The following CETP variants were observed in gnomAD, a reference collection of about 807,000 sequenced individuals.
CETP encodes the protein cholesteryl ester transfer protein.
A neutral mutation model predicts 66.5 loss-of-function variants in CETP; 56 were observed. The observed-to-expected ratio is 0.84, with a 90% CI of 0.68 to 1.05. The LOEUF is 1.05. CETP is among the 50% of genes least tolerant of loss of function. The probability of loss-of-function intolerance (pLI) is 0.00; values close to 1 mark genes in which losing one functional copy is unlikely to be tolerated. For synonymous variants in CETP, 251 were observed against 245.7 expected, an observed-to-expected ratio of 1.02 and a Z score of -0.20; for missense variants, 612 against 609.6, an observed-to-expected ratio of 1.00 and a Z score of -0.04.
chr16:56,972,670 G>T (rs1006978332), intron 8 of CETP, among the ~76,000 whole-genome samples: 1 of 152,174 alleles, frequency 6.6e-6, no homozygotes, highest in Admixed American at 6.5e-5. Context: ...CAGCCCGTTG[G>T]CCTGAACCTG....
intron 11 of CETP, among the ~76,000 whole-genome samples, chr16:56,980,526 T>C (rs1164501803): frequency 6.6e-6 from 1 of 152,272 alleles, no homozygotes; most frequent in Non-Finnish European, 1.5e-5. Flanking sequence ...TTTTCATTTT[T>C]CTGTTTTATT....
Position 56,983,821 on chromosome 16 carries a change from T to G in CETP, c.*155T>G. 1 of 739,960 alleles carries G rather than the reference T, an allele frequency of 1.4e-6. No homozygotes were observed. The highest frequency in any genetic ancestry group is 2.0e-5 in the Admixed American group (1 of 50,362). 45.8% of individuals were successfully genotyped at this position (739,960 alleles called of 1,614,324 possible). A position where few individuals can be genotyped will look rare whatever the true frequency, so the allele number is the denominator to read the frequency against. On this transcript the variant is annotated 3_prime_UTR_variant, in exon 16 of 16. Coordinates refer to ENST00000200676, the MANE Select transcript of CETP (RefSeq NM_000078.3). ...ACTCCTCCCTATCCTAAAGGCCCAC[T>G]GGCATTAAAGTGCTGTATCCAAGAG...
chr16:56,982,356 C>G, intron 14 of CETP, 119 bp downstream of exon 14: 1 of 952,360 alleles, frequency 1.1e-6, no homozygotes, highest in Non-Finnish European at 1.7e-6. Context: ...TGATACTTAG[C>G]GGTCCTGGCC....
intron 2 of CETP, among the ~76,000 whole-genome samples, chr16:56,966,272 T>G: frequency 6.6e-6 from 1 of 152,142 alleles, no homozygotes; most frequent in East Asian, 1.9e-4. Flanking sequence ...TTCCTTGGCT[T>G]CCCTCCATCT....
chr16:56,977,476 T>G (rs1362209052), intron 10 of CETP, among the ~76,000 whole-genome samples: 1 of 152,114 alleles, frequency 6.6e-6, no homozygotes, highest in African/African-American at 2.4e-5. Context: ...CTCCTCCTCC[T>G]GCCACCTCAG....
intron 1 of CETP, 77 bp downstream of exon 1, chr16:56,962,174 T>C (rs1471321400): frequency 3.1e-6 from 4 of 1,273,294 alleles, no homozygotes; most frequent in Non-Finnish European, 4.6e-6. Flanking sequence ...CTCCCTGGCC[T>C]GAAGCCAGCC....
At position 56,977,794 on chromosome 16, in the gene CETP, C is replaced by T. The variant is rs573474482; in HGVS notation, c.982-297C>T. ...ATGAGGTAGGATCTATGATTATCCC[C>T]ATTTTACAGATGAGGAAAGTGAGGC... On this transcript the variant is annotated intron_variant, in intron 10 of 15. Transcript: ENST00000200676. Among the ~76,000 whole-genome samples, 304 of 152,166 alleles carry T rather than the reference C, an allele frequency of 2.0e-3. 2 individuals carry two copies. The highest frequency in any genetic ancestry group is 6.7e-3 in the African/African-American group (280 of 41,548).
intron 2 of CETP, among the ~76,000 whole-genome samples, chr16:56,966,662 C>T (rs2056068594): frequency 6.6e-6 from 1 of 152,008 alleles, no homozygotes; most frequent in African/African-American, 2.4e-5. Context: ...TGCAATGGCA[C>T]GATCTCGACT....
chr16:56,967,359 C>T (rs1240491678), intron 2 of CETP, among the ~76,000 whole-genome samples: 1 of 127,326 alleles, frequency 7.9e-6, no homozygotes, highest in East Asian at 2.3e-4. Flanking sequence ...AACAAACAAA[C>T]AAACAAAAAA....
chr16:56,980,884 T>C (rs1255626453), intron 11 of CETP, among the ~76,000 whole-genome samples: 1 of 152,188 alleles, frequency 6.6e-6, no homozygotes, highest in East Asian at 1.9e-4. Context: ...ATCGTGCCAC[T>C]GCCCTCCAGC....
At chr16:56,983,532 C>A in intron 15 of CETP, 60 bp from the exon 16 acceptor site, 3 of 1,605,218 alleles carry the variant, frequency 1.9e-6, no homozygotes, top group Non-Finnish European at 2.6e-6. Flanking sequence ...GCTTGGCTCC[C>A]TCCTGGTGGC....
chr16:56,973,464 T>C lies in CETP; in HGVS notation c.884T>C (p.Phe295Ser). ...RVFHSLAKVA[F>S]QDGRLMLSLM... ...TTCCACTCGCTGGCCAAGGTAGCTT[T>C]CCAGGATGGCCGCCTCATGCTCAGC... The change falls in exon 9 of 16, where the codon TTC becomes TCC. Residue 295 changes from phenylalanine to serine, a missense_variant. By Grantham distance (155) the Phe-to-Ser change is radical. Coordinates refer to ENST00000200676, the MANE Select transcript of CETP (RefSeq NM_000078.3). The C allele has an allele frequency of 6.2e-7, 1 of 1,614,214 alleles. No individual in the cohort carries two copies. The highest frequency in any genetic ancestry group is 8.5e-7 in the Non-Finnish European group (1 of 1,180,034).
chr16:56,970,220 A>G (rs2056100301), intron 5 of CETP, among the ~76,000 whole-genome samples: 1 of 152,236 alleles, frequency 6.6e-6, no homozygotes. Context: ...AACAGCTATT[A>G]AGAACTTGCT....
chr16:56,967,073 C>T (rs928391989), intron 2 of CETP, among the ~76,000 whole-genome samples: 2 of 151,872 alleles, frequency 1.3e-5, no homozygotes, highest in Non-Finnish European at 2.9e-5. Context: ...CGTGGCTGGG[C>T]GCAGTGGCTC....
chr16:56,975,885 C>T (rs552386993), intron 10 of CETP, among the ~76,000 whole-genome samples: 36 of 152,318 alleles, frequency 2.4e-4, no homozygotes, highest in African/African-American at 7.5e-4. Context: ...GAACTTCCCC[C>T]CCACGTCGCT....
At chr16:56,976,493 A>T (rs2056151076) in intron 10 of CETP, among the ~76,000 whole-genome samples, 1 of 149,842 alleles carries the variant, frequency 6.7e-6, no homozygotes, top group African/African-American at 2.5e-5. Flanking sequence ...TTTTTTTAAG[A>T]CAGAGTCTTG....
At chr16:56,962,899 T>G in intron 1 of CETP, 111 bp from the exon 2 acceptor site, 3 of 910,348 alleles carry the variant, frequency 3.3e-6, no homozygotes, top group Non-Finnish European at 5.3e-6. Context: ...CTTTAAGACC[T>G]GCTGGGAGCC....
chr16:56,962,044 C>T lies in CETP; in HGVS notation c.65C>T (p.Thr22Ile). Residue 22 changes from threonine to isoleucine, a missense_variant, in exon 1 of 16, where the codon ACC becomes ATC. By Grantham distance (89) the Thr-to-Ile change is moderately conservative (BLOSUM62 -1). Transcript: ENST00000200676. ...AATGCCCATGCCTGCTCCAAAGGCACCTCGCACGAGGCAGGCATCGTGTGC... is the reference window on the plus strand; with the variant it reads ...AATGCCCATGCCTGCTCCAAAGGCATCTCGCACGAGGCAGGCATCGTGTGC... ...LGNAHACSKG[T>I]SHEAGIVCRI... The T allele has an allele frequency of 6.2e-7, 1 of 1,614,176 alleles. No homozygotes were observed. Among genetic ancestry groups the T allele is most frequent in the Non-Finnish European group, 8.5e-7 (1 of 1,180,028 alleles).
chr16:56,966,561 G>A (rs1285166711), intron 2 of CETP, among the ~76,000 whole-genome samples: 1 of 152,028 alleles, frequency 6.6e-6, no homozygotes, highest in South Asian at 2.1e-4. Flanking sequence ...CCTGCAGCCC[G>A]GCTGGGTTTT....
Sources: gnomAD v4.1 joint callset for allele counts (sites outside exome capture counted in the v4.1 genomes callset) on GRCh38, gnomAD v4.1.1 for gene constraint, MANE v1.5 for transcripts, NCBI Gene and HGNC (gene_info 2026-07-23, HGNC 2026-07-21) for gene names.